The following MORC3 variants were observed in gnomAD, a reference collection of about 807,000 sequenced individuals.
The protein encoded by MORC3 is MORC family CW-type zinc finger protein 3.
In MORC3, 31 loss-of-function variants were observed where a neutral mutation model predicts 109.1. The observed-to-expected ratio is 0.28, with a 90% CI of 0.21 to 0.38. The LOEUF (loss-of-function observed/expected upper bound fraction) is 0.38. Among genes scored for constraint, MORC3 ranks in the 10% least tolerant of loss-of-function variants. MORC3 has a pLI of 1.00. For synonymous variants in MORC3, 395 were observed against 380.7 expected, an observed-to-expected ratio of 1.04 and a Z score of -0.44; for missense variants, 867 against 1,135.8, an observed-to-expected ratio of 0.76 and a Z score of 3.40.
intron 14 of MORC3, among the ~76,000 whole-genome samples, chr21:36,368,501 A>C (rs2085806435): frequency 6.6e-6 from 1 of 152,308 alleles, no homozygotes; most frequent in South Asian, 2.1e-4. Flanking sequence ...AAAAGAGAAA[A>C]TAATCTCTAC....
At chr21:36,371,900 A>G (rs1601544239) in intron 15 of MORC3, among the ~76,000 whole-genome samples, 1 of 147,092 alleles carries the variant, frequency 6.8e-6, no homozygotes, top group East Asian at 2.0e-4. Context: ...CGCAACCTCC[A>G]CCTCCTGGGT....
At chr21:36,327,946 G>A (rs1211909149) in intron 1 of MORC3, among the ~76,000 whole-genome samples, 4 of 150,546 alleles carry the variant, frequency 2.7e-5, no homozygotes, top group Non-Finnish European at 5.9e-5. Flanking sequence ...GCATGATCTT[G>A]GCTCACTGCA....
chr21:36,333,762 G>A, intron 2 of MORC3, 44 bp downstream of exon 2: 2 of 1,240,270 alleles, frequency 1.6e-6, no homozygotes, highest in East Asian at 2.4e-5. Flanking sequence ...GCTTACAATT[G>A]TAGTGTTTTT....
intron 10 of MORC3, among the ~76,000 whole-genome samples, chr21:36,358,926 G>A (rs965246290): frequency 2.0e-5 from 3 of 151,950 alleles, no homozygotes; most frequent in African/African-American, 7.2e-5. Flanking sequence ...TGATCCACCC[G>A]CGTCAGCCTC....
intron 16 of MORC3, among the ~76,000 whole-genome samples, chr21:36,373,707 C>A (rs1249207725): frequency 6.6e-6 from 1 of 151,698 alleles, no homozygotes; most frequent in Non-Finnish European, 1.5e-5. Context: ...CACAAAAAAA[C>A]ATGCTCAAAA....
chr21:36,326,532 A>G (rs137869769), intron 1 of MORC3, among the ~76,000 whole-genome samples: 18 of 152,274 alleles, frequency 1.2e-4, no homozygotes, highest in African/African-American at 4.3e-4. Context: ...ATAAATAAAT[A>G]ATAAAATGTT....
Position 36,362,166 on chromosome 21 carries a change from T to C in MORC3, c.1407-17T>C. On this transcript the variant is annotated splice_polypyrimidine_tract_variant and intron_variant, in intron 12 of 16. Transcript: ENST00000400485. The stretch of plus-strand genomic sequence containing the variant: ...GGATTGAGAAATAACAACATGTTTT[T>C]CATCTTTATTTTAAAGCAACAAGGA... The C allele has an allele frequency of 6.2e-7, 1 of 1,612,428 alleles. No individual in the cohort carries two copies. The highest frequency in any genetic ancestry group is 8.5e-7 in the Non-Finnish European group (1 of 1,178,990).
At chr21:36,366,157 T>A (rs1038040217) in intron 14 of MORC3, among the ~76,000 whole-genome samples, 4 of 152,142 alleles carry the variant, frequency 2.6e-5, no homozygotes, top group African/African-American at 9.7e-5. Flanking sequence ...GTACCCAATA[T>A]GTAGTTTTTC....
chr21:36,338,722 T>G, intron 4 of MORC3, 52 bp from the exon 5 acceptor site: 3 of 1,475,912 alleles, frequency 2.0e-6, no homozygotes, highest in Non-Finnish European at 2.8e-6. Context: ...AGTTTTCATA[T>G]TGTAATTATG....
intron 10 of MORC3, 87 bp from the exon 11 acceptor site, chr21:36,359,868 T>C (rs982514540): frequency 3.1e-5 from 47 of 1,533,604 alleles, no homozygotes; most frequent in Admixed American, 5.3e-5. Context: ...AATAATGGCA[T>C]CTTGTGGTAG....
At chr21:36,372,136 C>CT (rs959065888) in intron 15 of MORC3, among the ~76,000 whole-genome samples, 64 of 148,574 alleles carry the variant, frequency 4.3e-4, no homozygotes, top group African/African-American at 1.4e-3. Flanking sequence ...CTAGGTACCA[C>CT]TTTTTTTTTT....
chr21:36,372,500 G>A lies in MORC3; in HGVS notation c.2635G>A (p.Glu879Lys). Residue 879 changes from glutamate (E) to lysine (K), a missense_variant, in exon 16 of 17, where the codon GAG (glutamate) becomes AAG (lysine). Coordinates refer to ENST00000400485, the MANE Select transcript of MORC3 (RefSeq NM_015358.3). ...AGATGTTTCAACATCAAGTAACATTGAGGAGTCTGTAAATCATATGGATGG... is the reference window on the plus strand; with the variant it reads ...AGATGTTTCAACATCAAGTAACATTAAGGAGTCTGTAAATCATATGGATGG... The part of the protein sequence containing the change: ...ATDVSTSSNI[E>K]ESVNHMDGES... 6.3e-7 allele frequency: 1 copy of A among 1,592,540 alleles called. No individual in the cohort carries two copies. The highest frequency in any genetic ancestry group is 8.5e-7 in the Non-Finnish European group (1 of 1,175,344).
rs1320988807 is a variant in MORC3 at position 36,373,998 on chromosome 21, A to G, written c.2667-1145A>G. 2.6e-5 allele frequency among the ~76,000 whole-genome samples: 4 copies of G among 152,294 alleles called. No homozygotes were observed. In the East Asian group the frequency reaches 5.8e-4, roughly 22 times the overall value. ...TTGGAAGGCATAATTATCTTAATCT[A>G]TGGTTTCCCAGTGTTTTCAGCAAAC... On this transcript the variant is annotated intron_variant, in intron 16 of 16. Transcript: ENST00000400485.
At chr21:36,329,664 G>A (rs2085291654) in intron 1 of MORC3, among the ~76,000 whole-genome samples, 1 of 152,140 alleles carries the variant, frequency 6.6e-6, no homozygotes, top group South Asian at 2.1e-4. Flanking sequence ...TTCAGGCCAT[G>A]ACAGGAAGTT....
At chr21:36,325,461 A>G (rs747634633) in intron 1 of MORC3, among the ~76,000 whole-genome samples, 4 of 152,218 alleles carry the variant, frequency 2.6e-5, no homozygotes, top group Non-Finnish European at 4.4e-5. Context: ...TATTATTGTA[A>G]TAAAACACAT....
chr21:36,337,602 A>G (rs1466416756), intron 3 of MORC3, 130 bp from the exon 4 acceptor site: 2 of 588,856 alleles, frequency 3.4e-6, no homozygotes, highest in East Asian at 3.4e-5. Context: ...GGGTGAGGCC[A>G]GTATTTGAAC....
chr21:36,353,786 C>T (rs1190185262), intron 9 of MORC3, among the ~76,000 whole-genome samples: 2 of 36,310 alleles, frequency 5.5e-5, no homozygotes, highest in Non-Finnish European at 4.5e-5. Context: ...TTAGTAAAGA[C>T]AGAGTTTTGC....
At chr21:36,353,568 C>T (rs2085600661) in intron 9 of MORC3, among the ~76,000 whole-genome samples, 1 of 150,886 alleles carries the variant, frequency 6.6e-6, no homozygotes, top group Non-Finnish European at 1.5e-5. Context: ...TGGTGAAACC[C>T]CATCTCTACT....
intron 1 of MORC3, among the ~76,000 whole-genome samples, chr21:36,321,820 C>T (rs2085197616): frequency 6.6e-6 from 1 of 152,074 alleles, no homozygotes; most frequent in South Asian, 2.1e-4. Flanking sequence ...TGTTTCTGTC[C>T]TTTGATTCTC....
Sources: gnomAD v4.1 joint callset for allele counts (sites outside exome capture counted in the v4.1 genomes callset) on GRCh38, gnomAD v4.1.1 for gene constraint, MANE v1.5 for transcripts, NCBI Gene and HGNC (gene_info 2026-07-23, HGNC 2026-07-21) for gene names.